Variants in SOX5 observed in about 807,000 individuals in gnomAD.
The protein encoded by SOX5 is transcription factor SOX-5.
A neutral mutation model predicts 92.0 loss-of-function variants in SOX5; 9 were observed. The ratio of observed to expected loss-of-function variants is 0.10; its 90% confidence interval spans 0.06 to 0.17. The LOEUF (loss-of-function observed/expected upper bound fraction) is 0.17. SOX5 is among the 10% of genes least tolerant of loss of function. SOX5 has a pLI of 1.00. For missense variants in SOX5, 642 were observed against 944.5 expected (o/e 0.68, Z 4.20); for synonymous variants, 344 against 336.3 (o/e 1.02, Z -0.25).
intron 3 of SOX5, among the ~76,000 whole-genome samples, chr12:23,756,045 G>A (rs576656711): frequency 6.6e-6 from 1 of 151,880 alleles, no homozygotes; most frequent in African/African-American, 2.4e-5. Flanking sequence ...ATTTCAGGGT[G>A]TTAGTCTGCA....
intron 1 of SOX5, among the ~76,000 whole-genome samples, chr12:23,937,258 T>C (rs533612263): frequency 6.6e-6 from 1 of 150,982 alleles, no homozygotes; most frequent in Non-Finnish European, 1.5e-5. Context: ...CAGTCTATAA[T>C]AGCTCTTGCC....
intron 4 of SOX5, among the ~76,000 whole-genome samples, chr12:23,969,899 C>G (rs934082829): frequency 2.6e-5 from 4 of 152,112 alleles, no homozygotes; most frequent in African/African-American, 9.7e-5. Context: ...ACAAACAGTA[C>G]AAATGTTTTA....
At chr12:23,836,112 A>C (rs923731276) in intron 3 of SOX5, among the ~76,000 whole-genome samples, 1 of 151,912 alleles carries the variant, frequency 6.6e-6, no homozygotes, top group Non-Finnish European at 1.5e-5. Flanking sequence ...CCTTCAATAC[A>C]TAATTATATA....
intron 1 of SOX5, among the ~76,000 whole-genome samples, chr12:24,486,369 T>A (rs1356310459): frequency 6.6e-6 from 1 of 152,176 alleles, no homozygotes; most frequent in African/African-American, 2.4e-5. Context: ...AATTTGCCTG[T>A]GTGGAGTACG....
intron 8 of SOX5, among the ~76,000 whole-genome samples, chr12:23,614,668 T>C (rs891936454): frequency 3.3e-5 from 5 of 152,252 alleles, no homozygotes; most frequent in African/African-American, 4.8e-5. Flanking sequence ...TGCTTATCCA[T>C]GTCCTAGGAT....
chr12:24,043,141 T>C (rs1381549192), intron 4 of SOX5, among the ~76,000 whole-genome samples: 2 of 152,220 alleles, frequency 1.3e-5, no homozygotes, highest in African/African-American at 4.8e-5. Context: ...ATAGACTTTC[T>C]GGTTCATAAA....
chr12:24,376,689 CCTTTTTTTTT>C (rs1957299718), intron 1 of SOX5, among the ~76,000 whole-genome samples: 1 of 93,082 alleles, frequency 1.1e-5, no homozygotes, highest in African/African-American at 4.1e-5. Flanking sequence ...GGGAGAGATA[CCTTTTTTTTT>C]TTTTTTTTTT....
rs1397715740 is a variant in SOX5, at chr12:24,539,624, CT to C, written c.-251+22704del. Among the ~76,000 whole-genome samples the C allele has an allele frequency of 1.6e-3, 244 of 152,180 alleles. 3 individuals carry two copies. Among genetic ancestry groups the C allele is most frequent in the Non-Finnish European group, 1.9e-4 (13 of 67,958 alleles). On this transcript the variant is annotated intron_variant, in intron 1 of 4. Transcript: ENST00000446891. ...CAAAAACTGACCACAGTAAAATTAT[CT>C]TTTAATTGTTTGCTCTCCTTATACT...
rs77317543 is a variant in SOX5, at chr12:24,357,613, C to A, written c.-174+10950G>T. Among the ~76,000 whole-genome samples, 12 of 152,116 alleles carry A rather than the reference C, an allele frequency of 7.9e-5. No individual in the cohort carries two copies. In the South Asian group the frequency reaches 2.5e-3, roughly 32 times the overall value. On this transcript the variant is annotated intron_variant, in intron 2 of 4. Coordinates refer to the SOX5 transcript ENST00000446891. The stretch of plus-strand genomic sequence containing the variant: ...ATCCTAGCACTTTGGGAGGCCGAGG[C>A]GGGTGGATTGCCTGAGCTCAGGAGT...
At chr12:24,280,847 T>C (rs1042439863) in intron 2 of SOX5, among the ~76,000 whole-genome samples, 2 of 151,876 alleles carry the variant, frequency 1.3e-5, no homozygotes, top group Non-Finnish European at 2.9e-5. Context: ...TTTTTTAGCA[T>C]AATACATTGG....
chr12:23,974,414 T>C (rs957737157), intron 4 of SOX5, among the ~76,000 whole-genome samples: 1 of 152,174 alleles, frequency 6.6e-6, no homozygotes, highest in Non-Finnish European at 1.5e-5. Flanking sequence ...TTGTTTACCT[T>C]AGGTGACCCA....
intron 4 of SOX5, among the ~76,000 whole-genome samples, chr12:24,123,413 C>A (rs1948812839): frequency 6.6e-6 from 1 of 152,168 alleles, no homozygotes; most frequent in African/African-American, 2.4e-5. Context: ...CACTAACTAG[C>A]AACATAAAAA....
chr12:23,723,858 T>C (rs1032622423), intron 6 of SOX5, among the ~76,000 whole-genome samples: 2 of 152,032 alleles, frequency 1.3e-5, no homozygotes, highest in Non-Finnish European at 2.9e-5. Flanking sequence ...CCTTTTCTAA[T>C]CTACTATGTA....
intron 7 of SOX5, among the ~76,000 whole-genome samples, chr12:23,662,688 T>G (rs2083221568): frequency 6.6e-6 from 1 of 152,148 alleles, no homozygotes; most frequent in East Asian, 1.9e-4. Flanking sequence ...TTCCTTAAAC[T>G]GTGTTTCTAT....
intron 1 of SOX5, among the ~76,000 whole-genome samples, chr12:24,549,521 G>A (rs1288151067): frequency 6.6e-6 from 1 of 152,246 alleles, no homozygotes; most frequent in Non-Finnish European, 1.5e-5. Context: ...AGCAATCCTG[G>A]AAGAAATCCA....
intron 1 of SOX5, among the ~76,000 whole-genome samples, chr12:24,376,172 T>G (rs1596058879): frequency 6.6e-6 from 1 of 152,242 alleles, no homozygotes; most frequent in East Asian, 1.9e-4. Context: ...TTTAAACTTT[T>G]AAAATGTGCG....
intron 4 of SOX5, among the ~76,000 whole-genome samples, chr12:23,969,299 C>G (rs1947949475): frequency 6.6e-6 from 1 of 151,400 alleles, no homozygotes; most frequent in Admixed American, 6.6e-5. Flanking sequence ...TAGTCTGACT[C>G]TATCCACTCT....
chr12:24,188,056 G>A (rs1243856665), intron 4 of SOX5, among the ~76,000 whole-genome samples: 1 of 152,150 alleles, frequency 6.6e-6, no homozygotes, highest in East Asian at 1.9e-4. Context: ...GGAAACACAA[G>A]TGCAACTCAA....
chr12:24,460,720 CCT>C (rs1280046469), intron 1 of SOX5: 1 of 152,148 alleles, frequency 6.6e-6, no homozygotes, highest in East Asian at 1.9e-4. Context: ...TGCATTTCCC[CCT>C]CTTTTTGACG....
Sources: allele counts gnomAD v4.1 joint callset (sites outside exome capture counted in the v4.1 genomes callset), GRCh38; gene constraint gnomAD v4.1.1; transcripts MANE v1.5; gene names NCBI Gene and HGNC (gene_info 2026-07-23, HGNC 2026-07-21).